The following DAB2 variants were observed in gnomAD, a reference collection of about 807,000 sequenced individuals.
DAB2 encodes the protein DAB adaptor protein 2.
DAB2 carries 28 observed loss-of-function variants against 71.6 expected under a neutral mutation model. The ratio of observed to expected loss-of-function variants is 0.39; its 90% CI spans 0.29 to 0.54. DAB2 has a LOEUF of 0.54. Ranked by LOEUF, DAB2 falls within the 20% of genes least tolerant of loss-of-function variation. DAB2 has a pLI of 0.68. For synonymous variants in DAB2, 345 were observed against 339.7 expected (o/e 1.02, Z -0.17); for missense variants, 867 against 928.8 (o/e 0.93, Z 0.86).
At chr5:39,406,814 G>A (rs1210102047) in intron 1 of DAB2, among the ~76,000 whole-genome samples, 20 of 151,902 alleles carry the variant, frequency 1.3e-4, no homozygotes, top group Non-Finnish European at 1.2e-4. Context: ...TCTAAAGAAC[G>A]AACAACTTAC....
chr5:39,404,460 TA>T (rs574569850), intron 1 of DAB2, among the ~76,000 whole-genome samples: 9,027 of 127,184 alleles, frequency 0.071, 391 homozygotes, highest in African/African-American at 0.14. Flanking sequence ...TATTATTATC[TA>T]AAAAAAAAAA....
Position 39,382,798 on chromosome 5 carries a change from G to C in DAB2, c.1161C>G (p.Asn387Lys), listed in dbSNP as rs201767065. The C allele has an allele frequency of 6.2e-7, 1 of 1,614,166 alleles. No homozygotes were observed. Among genetic ancestry groups the C allele is most frequent in the African/African-American group, 1.3e-5 (1 of 75,034 alleles). ...TCGGGGAGGATTTGACAGAGAAGCC[G>C]TTCTGTTCTCTTTCAGATACCCCAT... is the stretch of plus-strand genomic sequence containing the variant. ...TQNGVSEREQ[N>K]GFSVKSSPNP... Residue 387 changes from asparagine (N) to lysine (K), a missense_variant, in exon 10 of 15, where the codon AAC becomes AAG. Asn to Lys is a moderately conservative substitution (Grantham distance 94, BLOSUM62 0). Around this residue, in one of 2 missense-constraint regions of DAB2, gnomAD observed 740 missense variants for 734.3 expected, o/e 1.01. Transcript: ENST00000320816.
At chr5:39,385,315 G>A (rs898466196) in intron 9 of DAB2, 3 of 152,124 alleles carry the variant, frequency 2.0e-5, no homozygotes, top group Admixed American at 6.5e-5. Flanking sequence ...AGCCACCTCT[G>A]GGTTAGAACA....
At chr5:39,391,270 G>T (rs1007615665) in intron 4 of DAB2, among the ~76,000 whole-genome samples, 9 of 152,058 alleles carry the variant, frequency 5.9e-5, no homozygotes, top group African/African-American at 2.2e-4. Flanking sequence ...CAGTTAACAA[G>T]GTTGAACTCT....
At position 39,382,728 on chromosome 5, in the gene DAB2, C is replaced by G; in HGVS notation, c.1231G>C (p.Gly411Arg). 1 of 1,614,148 alleles carries G rather than the reference C, an allele frequency of 6.2e-7. No homozygotes were observed. Among genetic ancestry groups the G allele is most frequent in the Non-Finnish European group, 8.5e-7 (1 of 1,180,028 alleles). The change falls in exon 10 of 15, where the codon GGC becomes CGC. Residue 411 changes from glycine to arginine, a missense_variant. Physicochemically the swap from Gly to Arg is moderately radical, Grantham distance 125. Around this residue, in one of 2 missense-constraint regions of DAB2, gnomAD observed 740 missense variants for 734.3 expected, o/e 1.01. Transcript: ENST00000320816. ...SPPKGLSIQN[G>R]VKQDLESSVQ... is the part of the protein sequence containing the mutation. ...GAGCTTTCCAAGTCCTGCTTTACGC[C>G]ATTCTGTATGGACAGTCCTTTGGGA...
chr5:39,392,607 C>T (rs886412605), intron 3 of DAB2, 144 bp from the exon 4 acceptor site: 51 of 635,882 alleles, frequency 8.0e-5, no homozygotes, highest in Non-Finnish European at 1.3e-4. Context: ...TCATCCGGGA[C>T]AGCAAGACGG....
Position 39,383,236 on chromosome 5 carries a change from A to G in DAB2, c.723T>C (p.Ser241=). 1 of 1,613,700 alleles carries G rather than the reference A, an allele frequency of 6.2e-7. No individual in the cohort carries two copies. Among genetic ancestry groups the G allele is most frequent in the Non-Finnish European group, 8.5e-7 (1 of 1,179,776 alleles). The part of the protein sequence containing the change: ...SKDILLVDLN[S]EIDTNQNSLR... ...AAGAATTCTGATTGGTGTCGATTTC[A>G]GAGTTTAGATCCACTAACAGGATAT... is the stretch of plus-strand genomic sequence containing the variant. Residue 241 remains serine, a synonymous_variant, in exon 10 of 15, where the codon TCT becomes TCC. Transcript: ENST00000320816.
rs778220115 is a variant in DAB2 at position 39,383,029 on chromosome 5, CGAA to C, written c.927_929del (p.Ser310del). 1 of 1,613,996 alleles carries C rather than the reference CGAA, an allele frequency of 6.2e-7. No homozygotes were observed. Among genetic ancestry groups the C allele is most frequent in the Non-Finnish European group, 8.5e-7 (1 of 1,180,014 alleles). On this transcript the variant is annotated inframe_deletion, in exon 10 of 15. Transcript: ENST00000320816. Reference sequence around the variant, plus strand: ...GATCTGGAGATTTGAGAGAATCAAACGAAGAAGGTGTCGATTGGTCTGGCTGTG... The same window carrying C: ...GATCTGGAGATTTGAGAGAATCAAACGAAGGTGTCGATTGGTCTGGCTGTG...
intron 12 of DAB2, 87 bp downstream of exon 12, chr5:39,376,563 G>A: frequency 1.4e-6 from 2 of 1,479,138 alleles, no homozygotes; most frequent in Non-Finnish European, 1.8e-6. Context: ...TGGCGGGTGG[G>A]AGAGGGTTCA....
At chr5:39,385,599 T>A (rs1241974839) in intron 9 of DAB2, among the ~76,000 whole-genome samples, 2 of 152,200 alleles carry the variant, frequency 1.3e-5, no homozygotes, top group Non-Finnish European at 2.9e-5. Flanking sequence ...AGTTGGCCAC[T>A]GTTTGAGCAC....
At chr5:39,420,481 T>C (rs1300615357) in intron 1 of DAB2, among the ~76,000 whole-genome samples, 1 of 152,194 alleles carries the variant, frequency 6.6e-6, no homozygotes, top group Admixed American at 6.5e-5. Flanking sequence ...CCCTCATACA[T>C]TGTTTACCTT....
intron 10 of DAB2, 106 bp downstream of exon 10, chr5:39,382,512 G>A: frequency 8.0e-7 from 1 of 1,246,836 alleles, no homozygotes; most frequent in Non-Finnish European, 1.1e-6. Context: ...CTATTTCACA[G>A]CAACACAGGA....
chr5:39,391,812 G>A (rs1461840366), intron 4 of DAB2, among the ~76,000 whole-genome samples: 1 of 151,896 alleles, frequency 6.6e-6, no homozygotes, highest in Non-Finnish European at 1.5e-5. Flanking sequence ...CATCTGTGAG[G>A]TGAGAAGGCA....
intron 1 of DAB2, among the ~76,000 whole-genome samples, chr5:39,398,055 TTAAGAGTC>T (rs1561374104): frequency 1.3e-5 from 2 of 152,218 alleles, no homozygotes; most frequent in South Asian, 4.1e-4. Flanking sequence ...TGACCTGGGC[TTAAGAGTC>T]TGTTGCCCAT....
chr5:39,407,006 T>C (rs1209964252), intron 1 of DAB2, among the ~76,000 whole-genome samples: 1 of 152,212 alleles, frequency 6.6e-6, no homozygotes, highest in Non-Finnish European at 1.5e-5. Context: ...CAATGTATTA[T>C]GCTTGATCCT....
intron 13 of DAB2, 130 bp from the exon 14 acceptor site, chr5:39,375,214 G>A: frequency 1.6e-6 from 1 of 633,188 alleles, no homozygotes; most frequent in Non-Finnish European, 2.8e-6. Context: ...AACATTATAT[G>A]GGGCTTACAG....
At chr5:39,388,545 A>T (rs1362203553) in intron 8 of DAB2, among the ~76,000 whole-genome samples, 178 bp from the exon 9 acceptor site, 1 of 152,218 alleles carries the variant, frequency 6.6e-6, no homozygotes, top group Non-Finnish European at 1.5e-5. Context: ...TCTCAAAGCA[A>T]ATCTATCTTG....
Position 39,377,157 on chromosome 5 carries a change from C to T in DAB2, c.1630G>A (p.Val544Ile), listed in dbSNP as rs61755342. ...GGQPSGFSQP[V>I]IFGTSPAVSG... ...ACAGCTGGACTTGTACCAAAAATGA[C>T]GGGCTGACTAAAACCTGAAGGTTGA... The change falls in exon 12 of 15, where the codon GTC (valine) becomes ATC (isoleucine). Residue 544 changes from valine (V) to isoleucine (I), a missense_variant. Physicochemically the swap from Val to Ile is conservative, Grantham distance 29. This residue lies in a region of DAB2 where 740 missense variants were observed against 734.3 expected (regional missense o/e 1.01). Transcript: ENST00000320816. 4.3e-3 allele frequency: 6,963 copies of T among 1,614,086 alleles called. 32 individuals carry two copies. Among genetic ancestry groups the T allele is most frequent in the South Asian group, 6.8e-3 (617 of 91,088 alleles).
intron 11 of DAB2, among the ~76,000 whole-genome samples, chr5:39,380,823 T>C (rs1370007595): frequency 6.6e-6 from 1 of 152,226 alleles, no homozygotes; most frequent in African/African-American, 2.4e-5. Flanking sequence ...CTAGGACTTA[T>C]GTTCTAGCTT....
Sources: allele counts gnomAD v4.1 joint callset (sites outside exome capture counted in the v4.1 genomes callset), GRCh38; gene constraint gnomAD v4.1.1; regional missense constraint gnomAD v4.1.1; transcripts MANE v1.5; gene names NCBI Gene and HGNC (gene_info 2026-07-23, HGNC 2026-07-21).